Variants in AUTS2 observed in about 807,000 individuals in gnomAD.
AUTS2 encodes the protein activator of transcription and developmental regulator AUTS2, also known as autism susceptibility gene 2 protein.
In AUTS2, 17 loss-of-function variants were observed where a neutral mutation model predicts 112.4. The observed-to-expected ratio is 0.15, with a 90% confidence interval of 0.10 to 0.23. The LOEUF (loss-of-function observed/expected upper bound fraction) is 0.23. Among genes scored for constraint, AUTS2 ranks in the 10% least tolerant of loss-of-function variants. AUTS2 has a pLI of 1.00. For missense variants in AUTS2, 1,510 were observed against 1,701.6 expected (o/e 0.89, Z 1.98); for synonymous variants, 751 against 702.7 (o/e 1.07, Z -1.09).
chr7:69,811,858 C>CA (rs1339882430), intron 1 of AUTS2, among the ~76,000 whole-genome samples: 3 of 152,152 alleles, frequency 2.0e-5, no homozygotes, highest in African/African-American at 7.2e-5. Flanking sequence ...CCCTGGAGGG[C>CA]AAAGACTATG....
chr7:69,812,455 G>A (rs1562900067), intron 1 of AUTS2, among the ~76,000 whole-genome samples: 2 of 152,136 alleles, frequency 1.3e-5, no homozygotes, highest in Non-Finnish European at 2.9e-5. Flanking sequence ...GGGCACTAGA[G>A]GTGCCAAAGA....
At chr7:69,780,667 G>C (rs1033616899) in intron 1 of AUTS2, among the ~76,000 whole-genome samples, 4 of 152,194 alleles carry the variant, frequency 2.6e-5, no homozygotes, top group African/African-American at 9.7e-5. Flanking sequence ...GAACCTGAAA[G>C]GATGGTCTGT....
chr7:70,426,992 T>A (rs2130769243), intron 4 of AUTS2, among the ~76,000 whole-genome samples: 1 of 150,272 alleles, frequency 6.7e-6, no homozygotes, highest in Non-Finnish European at 1.5e-5. Context: ...AACCTGGGGG[T>A]GGGGGCTCAG....
At chr7:70,562,070 A>C (rs1168707665) in intron 5 of AUTS2, among the ~76,000 whole-genome samples, 1 of 151,980 alleles carries the variant, frequency 6.6e-6, no homozygotes, top group Non-Finnish European at 1.5e-5. Flanking sequence ...CCTGTTGACT[A>C]CCCTTGCCTT....
chr7:69,618,436 A>G (rs1793489955), intron 1 of AUTS2, among the ~76,000 whole-genome samples: 1 of 152,072 alleles, frequency 6.6e-6, no homozygotes, highest in Admixed American at 6.6e-5. Context: ...GCTGAGTTTG[A>G]CTGGAGCGTT....
At chr7:70,379,752 A>C (rs1333605894) in intron 4 of AUTS2, among the ~76,000 whole-genome samples, 1 of 152,192 alleles carries the variant, frequency 6.6e-6, no homozygotes. Flanking sequence ...TAAGAGACTG[A>C]ATTTATTAAT....
At position 70,747,709 on chromosome 7, in the gene AUTS2, C is replaced by CAATT. The variant is rs1353113652; in HGVS notation, c.743-15161_743-15160insAATT. 1.6e-4 allele frequency among the ~76,000 whole-genome samples: 24 copies of CAATT among 152,010 alleles called. 1 individual carries two copies. Among genetic ancestry groups the CAATT allele is most frequent in the East Asian group, 7.7e-4 (4 of 5,190 alleles). The stretch of plus-strand genomic sequence containing the variant: ...GCTGTATTGGCCAGCTGGTCTTGAA[C>CAATT]TCTTGACCTCAGGTGATCCGCCCGC... On this transcript the variant is annotated intron_variant, in intron 6 of 18. Coordinates refer to ENST00000342771, the MANE Select transcript of AUTS2 (RefSeq NM_015570.4).
At chr7:70,381,255 C>T (rs1340927535) in intron 4 of AUTS2, among the ~76,000 whole-genome samples, 3 of 152,180 alleles carry the variant, frequency 2.0e-5, no homozygotes, top group African/African-American at 7.2e-5. Flanking sequence ...AAGTGGACTT[C>T]CCAATAATGC....
rs1419400206 is a variant in AUTS2 at position 69,809,922 on chromosome 7, A to G, written c.310-89364A>G. Among the ~76,000 whole-genome samples, 5 of 152,228 alleles carry G rather than the reference A, an allele frequency of 3.3e-5. No homozygotes were observed. In the South Asian group the frequency reaches 8.3e-4, roughly 25 times the overall value. On this transcript the variant is annotated intron_variant, in intron 1 of 18. Transcript: ENST00000342771. ...CTGCCTTCAGGCTTGCCTCTGCCCC[A>G]ATAAAATCAATTCTCTACATCAAAA...
intron 4 of AUTS2, among the ~76,000 whole-genome samples, chr7:70,165,208 T>C (rs548514443): frequency 1.6e-4 from 24 of 152,252 alleles, no homozygotes; most frequent in African/African-American, 5.8e-4. Context: ...AGCATTGCCA[T>C]AGAAAATTTC....
At chr7:70,163,937 A>G (rs536528941) in intron 4 of AUTS2, among the ~76,000 whole-genome samples, 2 of 152,244 alleles carry the variant, frequency 1.3e-5, no homozygotes, top group East Asian at 3.9e-4. Context: ...CCCCCCTCCA[A>G]GAGCCTTCAA....
intron 2 of AUTS2, among the ~76,000 whole-genome samples, chr7:70,083,104 A>G (rs17462837): frequency 0.26 from 38,775 of 151,970 alleles, 4,929 homozygotes; most frequent in Middle Eastern, 0.33. Flanking sequence ...TCCTCCCCTC[A>G]TGATTGTGCT....
At chr7:69,829,186 C>T (rs1791388179) in intron 1 of AUTS2, among the ~76,000 whole-genome samples, 2 of 152,214 alleles carry the variant, frequency 1.3e-5, no homozygotes, top group South Asian at 4.1e-4. Flanking sequence ...ACTGGCTAGC[C>T]ATAGGCAGAA....
At chr7:70,526,330 A>G (rs1300734809) in intron 5 of AUTS2, among the ~76,000 whole-genome samples, 1 of 152,090 alleles carries the variant, frequency 6.6e-6, no homozygotes, top group Non-Finnish European at 1.5e-5. Context: ...AGAGTCCTTT[A>G]GTTCATCACC....
intron 5 of AUTS2, among the ~76,000 whole-genome samples, chr7:70,446,377 G>T (rs1343083659): frequency 6.6e-6 from 1 of 152,206 alleles, no homozygotes; most frequent in East Asian, 1.9e-4. Flanking sequence ...CCAATGATTT[G>T]TCCTGTCCTT....
intron 1 of AUTS2, among the ~76,000 whole-genome samples, chr7:69,623,873 A>C (rs1793803803): frequency 6.6e-6 from 1 of 152,154 alleles, no homozygotes; most frequent in Non-Finnish European, 1.5e-5. Flanking sequence ...CCTCCCCACA[A>C]AAAATGATTT....
At chr7:69,620,881 A>G (rs967357871) in intron 1 of AUTS2, among the ~76,000 whole-genome samples, 49 of 152,282 alleles carry the variant, frequency 3.2e-4, no homozygotes, top group African/African-American at 1.1e-3. Context: ...GTACTTGTGA[A>G]TCTGCCTGAA....
At chr7:69,665,278 A>G (rs1283861422) in intron 1 of AUTS2, among the ~76,000 whole-genome samples, 1 of 152,150 alleles carries the variant, frequency 6.6e-6, no homozygotes, top group Non-Finnish European at 1.5e-5. Context: ...AATTCAAGGT[A>G]ATGATGGTAT....
rs781281055 is a variant in AUTS2 at position 70,156,891 on chromosome 7, TAAAAAAAAAAAAAA to T, written c.660+22343_660+22356del. On this transcript the variant is annotated intron_variant, in intron 4 of 18. Coordinates refer to ENST00000342771, the MANE Select transcript of AUTS2 (RefSeq NM_015570.4). ...AGTGAAACCCCATCTCTACTAAAAGTAAAAAAAAAAAAAAAAAAAAAAAAAAAAAAAAAAAATTA... is the reference window on the plus strand; with the variant it reads ...AGTGAAACCCCATCTCTACTAAAAGTAAAAAAAAAAAAAAAAAAAAAATTA... Among the ~76,000 whole-genome samples the T allele has an allele frequency of 1.2e-3, 47 of 37,876 alleles. 2 individuals are homozygous for T. Among genetic ancestry groups the T allele is most frequent in the South Asian group, 8.2e-3 (5 of 610 alleles). The allele number at this position is 37,876 out of a possible 152,430, so 24.8% of individuals were successfully genotyped here.
Sources: gnomAD v4.1 joint callset for allele counts (sites outside exome capture counted in the v4.1 genomes callset) on GRCh38, gnomAD v4.1.1 for gene constraint, MANE v1.5 for transcripts, NCBI Gene and HGNC (gene_info 2026-07-23, HGNC 2026-07-21) for gene names.